Variants in PRKN observed in about 807,000 individuals in gnomAD.
PRKN encodes E3 ubiquitin-protein ligase parkin.
A neutral mutation model predicts 59.5 loss-of-function variants in PRKN; 56 were observed. That is an observed-to-expected ratio of 0.94 (90% CI 0.76 to 1.18). The LOEUF is 1.18. Among genes scored for constraint, PRKN ranks in the 50% most tolerant of loss-of-function variants. The probability of loss-of-function intolerance (pLI) is 0.00; values close to 1 mark genes in which losing one functional copy is unlikely to be tolerated. For missense variants in PRKN, 657 were observed against 596.4 expected, an observed-to-expected ratio of 1.10 and a Z score of -1.06; for synonymous variants, 250 against 222.1, an observed-to-expected ratio of 1.13 and a Z score of -1.12.
chr6:162,395,480 C>T lies in PRKN; in HGVS notation c.171+47830G>A, dbSNP rs141238828. On this transcript the variant is annotated intron_variant, in intron 2 of 11. Coordinates refer to ENST00000366898, the MANE Select transcript of PRKN (RefSeq NM_004562.3). ...GTGAATCTTCTATCATCAGTTAAGT[C>T]TTCAGATGAATGTAGCTCACTGACA... 1.5e-3 allele frequency among the ~76,000 whole-genome samples: 229 copies of T among 152,292 alleles called. 2 individuals carry two copies. Among genetic ancestry groups the T allele is most frequent in the African/African-American group, 5.3e-3 (221 of 41,558 alleles).
In PRKN at chr6:161,986,577, G is replaced by A. The variant is rs577045365; in HGVS notation, c.619-13160C>T. 4.4e-4 allele frequency among the ~76,000 whole-genome samples: 67 copies of A among 151,582 alleles called. 1 individual carries two copies. The highest frequency in any genetic ancestry group is 7.5e-4 in the Non-Finnish European group (51 of 67,980). On this transcript the variant is annotated intron_variant, in intron 5 of 11. Transcript: ENST00000366898. ...GAGAGAGGGGAAGAGCTGGAGTGGG[G>A]TGAGAACTAGGAGGGCTCAACAGCT...
At chr6:162,667,187 G>A (rs1361793287) in intron 1 of PRKN, among the ~76,000 whole-genome samples, 1 of 152,048 alleles carries the variant, frequency 6.6e-6, no homozygotes, top group African/African-American at 2.4e-5. Context: ...TATTGGCACA[G>A]ATTATATTTC....
intron 4 of PRKN, among the ~76,000 whole-genome samples, chr6:162,195,955 T>C (rs1784475619): frequency 6.6e-6 from 1 of 152,222 alleles, no homozygotes; most frequent in African/African-American, 2.4e-5. Flanking sequence ...TATCTTCTAA[T>C]TATTATTAAA....
At chr6:161,589,234 G>C (rs114039254) in intron 7 of PRKN, among the ~76,000 whole-genome samples, 4 of 152,232 alleles carry the variant, frequency 2.6e-5, no homozygotes, top group Admixed American at 2.6e-4. Flanking sequence ...CCGCTGCTGA[G>C]AGCGCCTGTG....
intron 1 of PRKN, among the ~76,000 whole-genome samples, chr6:162,619,256 C>A (rs1782557266): frequency 6.6e-6 from 1 of 151,854 alleles, no homozygotes; most frequent in Admixed American, 6.6e-5. Context: ...GATTCTCCTG[C>A]CTCGGCCTCC....
chr6:162,406,235 T>A (rs146297453), intron 2 of PRKN, among the ~76,000 whole-genome samples: 1 of 152,304 alleles, frequency 6.6e-6, no homozygotes, highest in East Asian at 1.9e-4. Flanking sequence ...ATGTGGACAC[T>A]AAAACAGAGA....
At chr6:161,973,240 G>A (rs1212625299) in intron 6 of PRKN, 62 bp downstream of exon 6, 1 of 1,046,960 alleles carries the variant, frequency 9.6e-7, no homozygotes, top group Non-Finnish European at 1.5e-6. Context: ...GGGGAGTGAT[G>A]CTATTTTTAG....
At position 161,451,506 on chromosome 6, in the gene PRKN, C is replaced by T. The variant is rs76355624; in HGVS notation, c.1084-64629G>A. Among the ~76,000 whole-genome samples the T allele has an allele frequency of 0.045, 6,817 of 152,228 alleles. 181 individuals carry two copies. Among genetic ancestry groups the T allele is most frequent in the African/African-American group, 0.069 (2,872 of 41,512 alleles). On this transcript the variant is annotated intron_variant, in intron 9 of 11. Transcript: ENST00000366898. The surrounding 1 kb of genome is among the most constrained non-coding windows in gnomAD (Gnocchi z 5.9). ...GCAGCCTCAGGATACCACCTGCCCA[C>T]GGCCCACCTGAGGGAACCTGCTGCC... is the stretch of plus-strand genomic sequence containing the variant.
intron 9 of PRKN, among the ~76,000 whole-genome samples, chr6:161,404,340 C>T (rs190460302): frequency 3.0e-4 from 45 of 152,210 alleles, no homozygotes; most frequent in Middle Eastern, 3.4e-3. Flanking sequence ...TGTGTGGCAA[C>T]GCATAGACGG....
chr6:161,496,630 A>G lies in PRKN; in HGVS notation c.1083+52224T>C, dbSNP rs116651208. On this transcript the variant is annotated intron_variant, in intron 9 of 11. Transcript: ENST00000366898. ...ATGGGGAAAGCCACCCCCATGATTCAATTATCTCCACCTGGCCCAGCCCTT... is the reference window on the plus strand; with the variant it reads ...ATGGGGAAAGCCACCCCCATGATTCGATTATCTCCACCTGGCCCAGCCCTT... Among the ~76,000 whole-genome samples the G allele has an allele frequency of 6.1e-3, 928 of 152,296 alleles. 6 individuals carry two copies. The highest frequency in any genetic ancestry group is 0.021 in the African/African-American group (860 of 41,550).
At chr6:161,788,620 C>G (rs192958932) in intron 6 of PRKN, among the ~76,000 whole-genome samples, 25 of 144,842 alleles carry the variant, frequency 1.7e-4, no homozygotes, top group African/African-American at 6.9e-4. Flanking sequence ...CACCAGGTAA[C>G]AGTGGGTTAC....
At chr6:162,109,411 T>C (rs556704119) in intron 4 of PRKN, among the ~76,000 whole-genome samples, 5 of 152,222 alleles carry the variant, frequency 3.3e-5, no homozygotes, top group Admixed American at 6.5e-5. Context: ...AAACACTGCA[T>C]GTGCAGAAAT....
At chr6:161,813,445 C>T (rs1791645065) in intron 6 of PRKN, among the ~76,000 whole-genome samples, 1 of 152,204 alleles carries the variant, frequency 6.6e-6, no homozygotes, top group Non-Finnish European at 1.5e-5. Context: ...TTTCCTTCTC[C>T]TTCTCTTCTA....
chr6:162,119,365 T>A (rs1400672204), intron 4 of PRKN, among the ~76,000 whole-genome samples: 1 of 152,204 alleles, frequency 6.6e-6, no homozygotes, highest in Admixed American at 6.5e-5. Context: ...TGGGCAGGGC[T>A]GTCAGGTACT....
chr6:162,450,307 A>C (rs564217366), intron 1 of PRKN, among the ~76,000 whole-genome samples: 65 of 113,732 alleles, frequency 5.7e-4, no homozygotes, highest in African/African-American at 3.8e-3. Flanking sequence ...CCCTGTGAAT[A>C]TGAACGCCCG....
At chr6:162,073,986 T>C (rs901430509) in intron 4 of PRKN, among the ~76,000 whole-genome samples, 1 of 151,336 alleles carries the variant, frequency 6.6e-6, no homozygotes, top group Non-Finnish European at 1.5e-5. Context: ...AAACAACAGG[T>C]GCTGGAGAGG....
chr6:161,699,481 A>G (rs1786162507), intron 7 of PRKN, among the ~76,000 whole-genome samples: 1 of 152,206 alleles, frequency 6.6e-6, no homozygotes, highest in Non-Finnish European at 1.5e-5. Flanking sequence ...AAATGTCTCC[A>G]AAAGAATGAA....
intron 2 of PRKN, among the ~76,000 whole-genome samples, chr6:162,333,344 T>A (rs945883542): frequency 1.2e-4 from 19 of 152,244 alleles, no homozygotes; most frequent in African/African-American, 3.9e-4. Context: ...ACTGCATTTT[T>A]TAACAAATTG....
chr6:162,168,176 G>A (rs1425115173), intron 4 of PRKN, among the ~76,000 whole-genome samples: 4 of 152,136 alleles, frequency 2.6e-5, no homozygotes, highest in Middle Eastern at 3.4e-3. Flanking sequence ...AAAAAGTTGC[G>A]TATCCTTGTA....
Sources: gnomAD v4.1 joint callset for allele counts (sites outside exome capture counted in the v4.1 genomes callset) on GRCh38, gnomAD v4.1.1 for gene constraint, Gnocchi (gnomAD v3.1) non-coding constraint, MANE v1.5 for transcripts, NCBI Gene and HGNC (gene_info 2026-07-23, HGNC 2026-07-21) for gene names.